EPHA6: variants seen among roughly 807,000 people sequenced by gnomAD.
EPHA6 encodes ephrin type-A receptor 6.
Under a neutral mutation model 112.0 loss-of-function variants are expected in EPHA6, and 50 were observed. The ratio of observed to expected loss-of-function variants is 0.45; its 90% CI spans 0.36 to 0.56. The LOEUF (loss-of-function observed/expected upper bound fraction) is 0.56. Ranked by LOEUF, EPHA6 falls within the 20% of genes least tolerant of loss-of-function variation. The pLI is 0.00. For synonymous variants in EPHA6, 529 were observed against 490.7 expected (o/e 1.08, Z -1.03); for missense variants, 1,280 against 1,417.4 (o/e 0.90, Z 1.56).
chr3:97,049,309 G>A (rs1362630877), intron 3 of EPHA6, among the ~76,000 whole-genome samples: 4 of 152,218 alleles, frequency 2.6e-5, no homozygotes, highest in Non-Finnish European at 4.4e-5. Flanking sequence ...AGAGGAAGCA[G>A]TGAGAACAGT....
intron 5 of EPHA6, among the ~76,000 whole-genome samples, chr3:97,282,285 T>C (rs1056574305): frequency 6.6e-6 from 1 of 152,146 alleles, no homozygotes; most frequent in African/African-American, 2.4e-5. Context: ...AAAACCACAA[T>C]GAGATACCAT....
At chr3:97,440,497 A>G (rs562923094) in intron 6 of EPHA6, among the ~76,000 whole-genome samples, 1 of 151,672 alleles carries the variant, frequency 6.6e-6, no homozygotes, top group East Asian at 1.9e-4. Context: ...AATTTCAACA[A>G]ATTTCCTGTA....
chr3:97,344,229 C>T (rs754522403), intron 5 of EPHA6, among the ~76,000 whole-genome samples: 7 of 151,900 alleles, frequency 4.6e-5, no homozygotes, highest in South Asian at 2.1e-4. Context: ...AATTTGGGGA[C>T]GAAATGTGTG....
chr3:97,181,615 G>GTA (rs969990436), intron 3 of EPHA6, among the ~76,000 whole-genome samples: 4 of 151,770 alleles, frequency 2.6e-5, no homozygotes, highest in East Asian at 1.9e-4. Context: ...GTGTGTGTGT[G>GTA]TATATATATG....
chr3:97,091,436 T>C (rs1286066479), intron 3 of EPHA6, among the ~76,000 whole-genome samples: 1 of 152,128 alleles, frequency 6.6e-6, no homozygotes, highest in Admixed American at 6.6e-5. Flanking sequence ...CCTAAGAATC[T>C]GAGTAAATTA....
intron 2 of EPHA6, among the ~76,000 whole-genome samples, chr3:96,970,242 C>G (rs1033668095): frequency 1.4e-5 from 2 of 146,296 alleles, no homozygotes; most frequent in Non-Finnish European, 3.0e-5. Flanking sequence ...TCTTCATACA[C>G]ACACACACAC....
At chr3:97,748,556 G>A (rs375429889) in intron 17 of EPHA6, 31 bp from the exon 18 acceptor site, 213 of 1,080,072 alleles carry the variant, frequency 2.0e-4, no homozygotes, top group Non-Finnish European at 2.6e-4. Flanking sequence ...TCTCACTCTC[G>A]CTCTCACTCT....
At chr3:96,871,570 A>G (rs2036623725) in intron 2 of EPHA6, among the ~76,000 whole-genome samples, 1 of 151,930 alleles carries the variant, frequency 6.6e-6, no homozygotes, top group Non-Finnish European at 1.5e-5. Flanking sequence ...AATAAGGCAA[A>G]AATGTAGAAT....
Position 96,925,479 on chromosome 3 carries a change from T to TC in EPHA6, c.450+58591dup, listed in dbSNP as rs2039986755. Among the ~76,000 whole-genome samples the TC allele has an allele frequency of 5.3e-5, 8 of 152,258 alleles. No homozygotes were observed. In the South Asian group the frequency reaches 1.7e-3, roughly 32 times the overall value. On this transcript the variant is annotated intron_variant, in intron 2 of 17. Transcript: ENST00000389672. ...GATGGTTGTTTGCATTTCTGTGGGGTCAGTGGTGTTATTTCCTTTATCATT... is the reference window on the plus strand; with the variant it reads ...GATGGTTGTTTGCATTTCTGTGGGGTCCAGTGGTGTTATTTCCTTTATCATT...
At chr3:97,424,688 C>G (rs1392227987) in intron 6 of EPHA6, among the ~76,000 whole-genome samples, 5 of 151,768 alleles carry the variant, frequency 3.3e-5, no homozygotes, top group African/African-American at 1.2e-4. Context: ...CACCTGTAAT[C>G]CCAGCTACTT....
intron 12 of EPHA6, among the ~76,000 whole-genome samples, chr3:97,592,950 T>C (rs2093558657): frequency 6.6e-6 from 1 of 152,206 alleles, no homozygotes; most frequent in Non-Finnish European, 1.5e-5. Context: ...CTAATTCGCA[T>C]AGTGCTGCCT....
chr3:97,070,690 T>C (rs1168731495), intron 3 of EPHA6, among the ~76,000 whole-genome samples: 1 of 152,124 alleles, frequency 6.6e-6, no homozygotes, highest in Non-Finnish European at 1.5e-5. Flanking sequence ...TATGTGCAAA[T>C]GTACAGAATA....
chr3:97,666,325 G>A (rs941856900), intron 14 of EPHA6, among the ~76,000 whole-genome samples: 2 of 152,158 alleles, frequency 1.3e-5, no homozygotes, highest in African/African-American at 4.8e-5. Flanking sequence ...GTTTGCTAAG[G>A]CTGCCATAAC....
At chr3:96,900,234 T>C (rs1190385216) in intron 2 of EPHA6, among the ~76,000 whole-genome samples, 1 of 152,182 alleles carries the variant, frequency 6.6e-6, no homozygotes, top group Non-Finnish European at 1.5e-5. Context: ...ATGACTTCTC[T>C]TAGTCATGGT....
At chr3:97,612,241 T>G (rs1160466845) in intron 13 of EPHA6, 3 of 244,592 alleles carry the variant, frequency 1.2e-5, no homozygotes, top group Non-Finnish European at 2.5e-5. Flanking sequence ...CTTGAAATGC[T>G]GTATACTTAA....
At chr3:97,495,156 A>G (rs2091943593) in intron 10 of EPHA6, among the ~76,000 whole-genome samples, 1 of 152,124 alleles carries the variant, frequency 6.6e-6, no homozygotes, top group African/African-American at 2.4e-5. Flanking sequence ...TCTTTCTCAG[A>G]GGAGTTTCTA....
chr3:97,251,114 C>T (rs1425302624), intron 5 of EPHA6, among the ~76,000 whole-genome samples: 1 of 152,050 alleles, frequency 6.6e-6, no homozygotes, highest in East Asian at 1.9e-4. Flanking sequence ...GTTCCACCCA[C>T]CTTGGCCTCC....
chr3:97,625,975 A>T (rs1175866831), intron 13 of EPHA6, among the ~76,000 whole-genome samples: 1 of 151,728 alleles, frequency 6.6e-6, no homozygotes, highest in African/African-American at 2.4e-5. Flanking sequence ...GCCTGATTCT[A>T]TTGCATTTCT....
chr3:97,286,240 A>G (rs1284066808), intron 5 of EPHA6, among the ~76,000 whole-genome samples: 1 of 152,146 alleles, frequency 6.6e-6, no homozygotes, highest in African/African-American at 2.4e-5. Context: ...TTTTTAGTTT[A>G]ATATACTCTA....
Sources: allele counts gnomAD v4.1 joint callset (sites outside exome capture counted in the v4.1 genomes callset), GRCh38; gene constraint gnomAD v4.1.1; transcripts MANE v1.5; gene names NCBI Gene and HGNC (gene_info 2026-07-23, HGNC 2026-07-21).